Variants in KALRN observed in about 807,000 individuals in gnomAD.
KALRN encodes the protein kalirin.
Under a neutral mutation model 353.7 loss-of-function variants are expected in KALRN, and 70 were observed. The ratio of observed to expected loss-of-function variants is 0.20; its 90% CI spans 0.16 to 0.24. KALRN has a LOEUF of 0.24. KALRN is among the 10% of genes least tolerant of loss of function. The pLI is 1.00. For synonymous variants in KALRN, 1,391 were observed against 1,434.8 expected (o/e 0.97, Z 0.69); for missense variants, 2,791 against 3,756.7 (o/e 0.74, Z 6.72).
At chr3:124,235,021 C>A in intron 3 of KALRN, 78 bp downstream of exon 3, 2 of 973,160 alleles carry the variant, frequency 2.1e-6, no homozygotes, top group Non-Finnish European at 3.2e-6. Flanking sequence ...AGCCTCCATC[C>A]CTGCCAGGGA....
At chr3:124,490,261 A>G (rs1404412005) in intron 29 of KALRN, among the ~76,000 whole-genome samples, 1 of 152,234 alleles carries the variant, frequency 6.6e-6, no homozygotes, top group Non-Finnish European at 1.5e-5. Flanking sequence ...AATTAAGGTA[A>G]TGAATGACAC....
intron 3 of KALRN, among the ~76,000 whole-genome samples, chr3:124,240,704 G>A (rs1260334687): frequency 6.7e-6 from 1 of 150,322 alleles, no homozygotes; most frequent in Admixed American, 6.7e-5. Flanking sequence ...AACTCCCCAG[G>A]GCACTGGGTA....
rs77524589 is a variant in KALRN at position 124,377,787 on chromosome 3, A to G, written c.1771-7058A>G. On this transcript the variant is annotated intron_variant, in intron 10 of 59. Coordinates refer to ENST00000682506, the MANE Select transcript of KALRN (RefSeq NM_001388419.1). ...GAATTGACCCCTTGATCATTATCAAATGATAATATTATTCATTTTTTCCTG... is the reference window on the plus strand; with the variant it reads ...GAATTGACCCCTTGATCATTATCAAGTGATAATATTATTCATTTTTTCCTG... Among the ~76,000 whole-genome samples, 1,747 of 152,306 alleles carry G rather than the reference A, an allele frequency of 0.011. 66 individuals are homozygous for G. In the East Asian group the frequency reaches 0.13, roughly 11 times the overall value.
At chr3:124,579,278 C>G (rs2074411777) in intron 34 of KALRN, among the ~76,000 whole-genome samples, 1 of 152,116 alleles carries the variant, frequency 6.6e-6, no homozygotes, top group African/African-American at 2.4e-5. Context: ...ACCAGAAATT[C>G]TTTGGGGTTC....
intron 2 of KALRN, 52 bp downstream of exon 2, chr3:124,228,116 G>T (rs2293640): frequency 7.3e-7 from 1 of 1,377,010 alleles, no homozygotes; most frequent in South Asian, 1.2e-5. Flanking sequence ...AGTTGTGTGT[G>T]TGCACATGTG....
chr3:124,684,489 G>A (rs1183908066), intron 51 of KALRN, among the ~76,000 whole-genome samples: 1 of 152,210 alleles, frequency 6.6e-6, no homozygotes, highest in Non-Finnish European at 1.5e-5. Context: ...AACTGGAACA[G>A]GAGTCAAAAA....
chr3:124,507,587 A>G (rs1043636493), intron 33 of KALRN, among the ~76,000 whole-genome samples: 1 of 152,252 alleles, frequency 6.6e-6, no homozygotes, highest in African/African-American at 2.4e-5. Context: ...ATTGATGACC[A>G]GATACCACGG....
At chr3:124,465,866 G>A (rs1456628735) in intron 25 of KALRN, among the ~76,000 whole-genome samples, 1 of 152,164 alleles carries the variant, frequency 6.6e-6, no homozygotes, top group Admixed American at 6.5e-5. Flanking sequence ...GAGAGAGAAA[G>A]GGATTGAGAT....
chr3:124,372,708 A>G (rs1209113541), intron 10 of KALRN, among the ~76,000 whole-genome samples: 6 of 152,172 alleles, frequency 3.9e-5, no homozygotes, highest in Non-Finnish European at 8.8e-5. Context: ...ATCACAGTGT[A>G]GTGAACTATT....
chr3:124,470,412 A>T (rs1279284811), intron 25 of KALRN, among the ~76,000 whole-genome samples: 1 of 152,232 alleles, frequency 6.6e-6, no homozygotes, highest in Non-Finnish European at 1.5e-5. Flanking sequence ...ATAAGCTTCC[A>T]ATTAAGAAGT....
At chr3:124,034,433 C>G (rs1172832990) in intron 1 of KALRN, among the ~76,000 whole-genome samples, 7 of 152,206 alleles carry the variant, frequency 4.6e-5, no homozygotes, top group Admixed American at 2.0e-4. Flanking sequence ...CCCTTGTCCT[C>G]CTCTTCAGTT....
At chr3:124,445,690 A>G (rs1396191768) in intron 19 of KALRN, among the ~76,000 whole-genome samples, 1 of 152,120 alleles carries the variant, frequency 6.6e-6, no homozygotes, top group Non-Finnish European at 1.5e-5. Flanking sequence ...ATTGCTCATG[A>G]TGTGGGTTGT....
intron 1 of KALRN, among the ~76,000 whole-genome samples, chr3:124,062,439 C>A (rs1010838228): frequency 6.6e-5 from 10 of 152,210 alleles, no homozygotes; most frequent in African/African-American, 2.4e-4. Context: ...AAAACCCAGT[C>A]TCCCAGAATG....
intron 1 of KALRN, among the ~76,000 whole-genome samples, chr3:124,055,091 GA>G (rs2041405850): frequency 6.6e-6 from 1 of 152,220 alleles, no homozygotes; most frequent in Non-Finnish European, 1.5e-5. Context: ...ACTTTTGGGG[GA>G]AGGGGGTTTG....
intron 47 of KALRN, among the ~76,000 whole-genome samples, chr3:124,671,419 C>T (rs2086432058): frequency 6.6e-6 from 1 of 152,220 alleles, no homozygotes; most frequent in African/African-American, 2.4e-5. Context: ...CCACCACACA[C>T]ATATTACAGA....
chr3:124,316,739 T>C (rs1332286203), intron 6 of KALRN, among the ~76,000 whole-genome samples: 9 of 152,372 alleles, frequency 5.9e-5, no homozygotes, highest in Non-Finnish European at 8.8e-5. Context: ...ATAGTAAATA[T>C]TTATTAATTT....
intron 33 of KALRN, among the ~76,000 whole-genome samples, chr3:124,520,473 G>A (rs1044930070): frequency 6.6e-6 from 1 of 151,996 alleles, no homozygotes; most frequent in East Asian, 1.9e-4. Context: ...GACTAGCTAG[G>A]GCAGGGGTCC....
chr3:124,406,259 T>G (rs2091526608), intron 13 of KALRN, among the ~76,000 whole-genome samples: 1 of 152,238 alleles, frequency 6.6e-6, no homozygotes, highest in Non-Finnish European at 1.5e-5. Context: ...AGGGAAATGC[T>G]ATGATAACTT....
At chr3:124,469,202 G>A (rs1280257115) in intron 25 of KALRN, among the ~76,000 whole-genome samples, 1 of 152,212 alleles carries the variant, frequency 6.6e-6, no homozygotes, top group Non-Finnish European at 1.5e-5. Flanking sequence ...TATTCAACAG[G>A]TAACCATGCA....
Sources: gnomAD v4.1 joint callset for allele counts (sites outside exome capture counted in the v4.1 genomes callset) on GRCh38, gnomAD v4.1.1 for gene constraint, MANE v1.5 for transcripts, NCBI Gene and HGNC (gene_info 2026-07-23, HGNC 2026-07-21) for gene names.